The following CES4A variants were observed in gnomAD, a reference collection of about 807,000 sequenced individuals.
The protein encoded by CES4A is carboxylesterase 4A.
Under a neutral mutation model 65.4 loss-of-function variants are expected in CES4A, and 48 were observed. The observed-to-expected ratio is 0.73, with a 90% CI of 0.58 to 0.93. The LOEUF (loss-of-function observed/expected upper bound fraction) is 0.93. Ranked by LOEUF, CES4A falls within the 40% of genes least tolerant of loss-of-function variation. CES4A has a pLI of 0.00. For missense variants in CES4A, 685 were observed against 728.5 expected (o/e 0.94, Z 0.69); for synonymous variants, 247 against 281.8 (o/e 0.88, Z 1.24).
At chr16:66,990,752 C>T (rs1597043030) in intron 1 of CES4A, among the ~76,000 whole-genome samples, 1 of 151,160 alleles carries the variant, frequency 6.6e-6, no homozygotes, top group Admixed American at 6.6e-5. Context: ...AATGAATAAA[C>T]ACAATTTTAT....
At chr16:66,991,679 G>A (rs1259450785) in intron 1 of CES4A, among the ~76,000 whole-genome samples, 1 of 152,184 alleles carries the variant, frequency 6.6e-6, no homozygotes, top group Non-Finnish European at 1.5e-5. Flanking sequence ...AGAAAAACAT[G>A]GTTTAAGGCA....
intron 11 of CES4A, 171 bp from the exon 12 acceptor site, chr16:67,006,220 C>T (rs1965747625): frequency 4.8e-6 from 3 of 629,536 alleles, no homozygotes; most frequent in Non-Finnish European, 8.2e-6. Context: ...GAGCAACTTG[C>T]TTTAGGTCAC....
At chr16:67,005,811 T>G (rs1472877058) in intron 11 of CES4A, 5 of 179,276 alleles carry the variant, frequency 2.8e-5, no homozygotes, top group Non-Finnish European at 5.8e-5. Flanking sequence ...ATCACACCAC[T>G]GCACTCCAGC....
At chr16:67,004,711 C>G (rs1375348697) in intron 9 of CES4A, 82 bp from the exon 10 acceptor site, 27 of 1,134,486 alleles carry the variant, frequency 2.4e-5, no homozygotes, top group Non-Finnish European at 3.3e-5. Flanking sequence ...TGGGCAAGAC[C>G]TTTGGGGCCT....
rs1010655248 is a variant in CES4A at position 67,003,072 on chromosome 16, G to T, written c.693G>T (p.Met231Ile). The change falls in exon 6 of 14, where the codon ATG (methionine) becomes ATT (isoleucine). Residue 231 changes from methionine to isoleucine, a missense_variant and splice_region_variant. Physicochemically the swap from Met to Ile is conservative, Grantham distance 10. Transcript: ENST00000648724. This position sits in a 1 kb window ranked among gnomAD's most constrained non-coding sequence, Gnocchi z 4.2. ...TGTATTCCTCCCTGTTCTTGCAGATGATGTCACCCCTAGCCTCGGGTCTCT... is the reference window on the plus strand; with the variant it reads ...TGTATTCCTCCCTGTTCTTGCAGATTATGTCACCCCTAGCCTCGGGTCTCT... 1.2e-6 allele frequency: 2 copies of T among 1,613,604 alleles called. No homozygotes were observed. The highest frequency in any genetic ancestry group is 1.3e-5 in the African/African-American group (1 of 74,898).
intron 1 of CES4A, among the ~76,000 whole-genome samples, chr16:66,989,219 C>T (rs1964179983): frequency 1.3e-5 from 2 of 152,260 alleles, no homozygotes; most frequent in Admixed American, 1.3e-4. Context: ...TCCCCAATAT[C>T]TTTCTTTTTA....
rs779838734 is a variant in CES4A at position 67,003,581 on chromosome 16, G to A, written c.939+28G>A. 1.3e-6 allele frequency: 2 copies of A among 1,594,488 alleles called. No individual in the cohort carries two copies. The highest frequency in any genetic ancestry group is 1.7e-6 in the Non-Finnish European group (2 of 1,162,302). On this transcript the variant is annotated intron_variant, in intron 8 of 13. Transcript: ENST00000648724. This position sits in a 1 kb window ranked among gnomAD's most constrained non-coding sequence, Gnocchi z 4.2. The stretch of plus-strand genomic sequence containing the variant: ...AAACAGGCCACATTCTGCAATTTGA[G>A]TATTTATTTAACACCTACTTTGTGC...
Position 67,000,882 on chromosome 16 carries a change from C to T in CES4A, c.428C>T (p.Ala143Val). 6.2e-7 allele frequency: 1 copy of T among 1,607,406 alleles called. No homozygotes were observed. Among genetic ancestry groups the T allele is most frequent in the Non-Finnish European group, 8.5e-7 (1 of 1,177,042 alleles). Residue 143 changes from alanine (A) to valine (V), a missense_variant, in exon 4 of 14, where the codon GCC (alanine) becomes GTC (valine). By Grantham distance (64) the Ala-to-Val change is moderately conservative. Coordinates refer to ENST00000648724, the Ensembl canonical transcript of CES4A. The surrounding 1 kb of genome is among the most constrained non-coding windows in gnomAD (Gnocchi z 4.2). ...GTGATGGTCTGGTTCCCGGGAGGCG[C>T]CTTCATCGTGGGCGCTGCTTCTTCG...
At chr16:67,008,847 A>C in intron 13 of CES4A, 127 bp from the exon 14 acceptor site, 1 of 905,230 alleles carries the variant, frequency 1.1e-6, no homozygotes. Context: ...TTAAAGTTCT[A>C]AGTATCATCT....
chr16:67,009,155 A>G, exon 14 of CES4A: 2 of 1,607,952 alleles, frequency 1.2e-6, no homozygotes, highest in Non-Finnish European at 1.7e-6. Context: ...GTGGCTATGC[A>G]GGAAGGAGCC....
intron 1 of CES4A, among the ~76,000 whole-genome samples, chr16:66,992,966 G>A (rs1597050155): frequency 1.3e-5 from 2 of 152,148 alleles, no homozygotes; most frequent in African/African-American, 2.4e-5. Flanking sequence ...GCTTATAGGC[G>A]TGAGCCACCG....
chr16:67,004,230 T>C lies in CES4A; in HGVS notation c.1080+6T>C, dbSNP rs149997707. On this transcript the variant is annotated splice_donor_region_variant and intron_variant, in intron 9 of 13. Transcript: ENST00000648724. ...TCAATTGGCTCTTGCCTTATGTAAG[T>C]GAGTAGGAGTTCAATTGGCTCTTGC... 1.2e-6 allele frequency: 2 copies of C among 1,613,998 alleles called. No homozygotes were observed. Among genetic ancestry groups the C allele is most frequent in the Non-Finnish European group, 1.7e-6 (2 of 1,179,926 alleles).
chr16:66,992,772 G>C (rs997046851), intron 1 of CES4A, among the ~76,000 whole-genome samples: 1 of 152,170 alleles, frequency 6.6e-6, no homozygotes, highest in Non-Finnish European at 1.5e-5. Context: ...CCTCCTCGCG[G>C]GTTCAAGAGA....
chr16:67,000,120 A>C lies in CES4A; in HGVS notation c.261-518A>C, dbSNP rs1965164387. On this transcript the variant is annotated intron_variant, in intron 2 of 13. Coordinates refer to ENST00000648724, the Ensembl canonical transcript of CES4A. The surrounding 1 kb of genome is among the most constrained non-coding windows in gnomAD (Gnocchi z 4.2). ...TTGTTTGTTTTTATTGATATATCAT[A>C]GTTGTACATATTAGGGAAGATATGA... Among the ~76,000 whole-genome samples the C allele has an allele frequency of 1.3e-5, 2 of 152,188 alleles. No homozygotes were observed. The highest frequency in any genetic ancestry group is 4.8e-5 in the African/African-American group (2 of 41,444).
At position 67,001,257 on chromosome 16, in the gene CES4A, C is replaced by T. The variant is rs114485334; in HGVS notation, c.537-51C>T. 52,289 of 1,526,252 alleles carry T rather than the reference C, an allele frequency of 0.034. 1,261 individuals carry two copies. The highest frequency in any genetic ancestry group is 0.082 in the South Asian group (6,500 of 79,526). The allele number at this position is 1,526,252 out of a possible 1,614,324, so 94.5% of individuals were successfully genotyped here. A position where few individuals can be genotyped will look rare whatever the true frequency, so the allele number is the denominator to read the frequency against. ...GGAAGCCCAGGAGGGCAGCCCAACG[C>T]GCCCCGACTGTCGAGGCCCGGGACC... On this transcript the variant is annotated intron_variant, in intron 4 of 13. Transcript: ENST00000648724. This position sits in a 1 kb window ranked among gnomAD's most constrained non-coding sequence, Gnocchi z 4.1.
At chr16:67,005,501 G>C (rs1309505410) in intron 11 of CES4A, 108 bp downstream of exon 11, 1 of 1,077,028 alleles carries the variant, frequency 9.3e-7, no homozygotes, top group Non-Finnish European at 1.3e-6. Context: ...GTACTTCTGG[G>C]CTAGTATAGG....
At position 67,003,185 on chromosome 16, in the gene CES4A, C is replaced by T; in HGVS notation, c.795+11C>T. The T allele has an allele frequency of 6.2e-7, 1 of 1,612,666 alleles. No individual in the cohort carries two copies. The highest frequency in any genetic ancestry group is 1.7e-4 in the Middle Eastern group (1 of 6,058). On this transcript the variant is annotated intron_variant, in intron 6 of 13. Coordinates refer to ENST00000648724, the Ensembl canonical transcript of CES4A. This position sits in a 1 kb window ranked among gnomAD's most constrained non-coding sequence, Gnocchi z 4.2. ...CTGAAAGTGGCCAAGGTGAGTGCCTCTCCTTCCCCAGGGCTCAGCATGGAA... is the reference window on the plus strand; with the variant it reads ...CTGAAAGTGGCCAAGGTGAGTGCCTTTCCTTCCCCAGGGCTCAGCATGGAA...
chr16:67,004,892 A>G lies in CES4A; in HGVS notation c.1161+19A>G. Reference sequence around the variant, plus strand: ...CCTGTTGGTGAGGGACCCAGCTGGCAGGGGTGCTCAGTTCGGACAGGGTTG... The same window carrying G: ...CCTGTTGGTGAGGGACCCAGCTGGCGGGGGTGCTCAGTTCGGACAGGGTTG... On this transcript the variant is annotated intron_variant, in intron 10 of 13. Coordinates refer to ENST00000648724, the Ensembl canonical transcript of CES4A. The G allele has an allele frequency of 6.5e-7, 1 of 1,529,108 alleles. No homozygotes were observed. Among genetic ancestry groups the G allele is most frequent in the Non-Finnish European group, 8.8e-7 (1 of 1,140,588 alleles). The allele number at this position is 1,529,108 out of a possible 1,614,324, so 94.7% of individuals were successfully genotyped here.
chr16:66,990,035 T>C (rs1260002459), intron 1 of CES4A, among the ~76,000 whole-genome samples: 2 of 151,208 alleles, frequency 1.3e-5, no homozygotes, highest in Non-Finnish European at 2.9e-5. Context: ...GCGCATTTTC[T>C]TTTCATCTTT....
Sources: gnomAD v4.1 joint callset for allele counts (sites outside exome capture counted in the v4.1 genomes callset) on GRCh38, gnomAD v4.1.1 for gene constraint, Gnocchi (gnomAD v3.1) non-coding constraint, MANE v1.5 for transcripts, NCBI Gene and HGNC (gene_info 2026-07-23, HGNC 2026-07-21) for gene names.